Variants in ACADSB observed in about 807,000 individuals in gnomAD.
ACADSB encodes short/branched chain specific acyl-CoA dehydrogenase, mitochondrial.
ACADSB carries 40 observed loss-of-function variants against 54.1 expected under a neutral mutation model. The ratio of observed to expected loss-of-function variants is 0.74; its 90% confidence interval spans 0.57 to 0.96. ACADSB has a LOEUF of 0.96. ACADSB is among the 40% of genes least tolerant of loss of function. The pLI is 0.00. For synonymous variants in ACADSB, 182 were observed against 182.8 expected, an observed-to-expected ratio of 1.00 and a Z score of 0.03; for missense variants, 530 against 510.4, an observed-to-expected ratio of 1.04 and a Z score of -0.37.
At chr10:123,041,890 G>A (rs1850479555) in intron 5 of ACADSB, among the ~76,000 whole-genome samples, 1 of 152,124 alleles carries the variant, frequency 6.6e-6, no homozygotes, top group Admixed American at 6.5e-5. Context: ...CAGATATGGA[G>A]GGATGACTGT....
At chr10:123,051,601 G>A (rs540999753) in intron 9 of ACADSB, among the ~76,000 whole-genome samples, 399 of 152,252 alleles carry the variant, frequency 2.6e-3, no homozygotes, top group Non-Finnish European at 4.6e-3. Flanking sequence ...AAGATGATGG[G>A]TCCATCATGT....
At chr10:123,028,415 A>G (rs1589736100) in intron 1 of ACADSB, among the ~76,000 whole-genome samples, 1 of 152,238 alleles carries the variant, frequency 6.6e-6, no homozygotes, top group Admixed American at 6.5e-5. Flanking sequence ...CTATAATCCC[A>G]GCACTTTGGG....
At position 123,051,055 on chromosome 10, in the gene ACADSB, C is replaced by T; in HGVS notation, c.997C>T (p.Gln333Ter). Reference sequence around the variant, plus strand: ...TTGGGCCTGACTGTTACAGGGCCTCCAACACCAAGTGGCTCACGTGGCCAC... The same window carrying T: ...TTGGGCCTGACTGTTACAGGGCCTCTAACACCAAGTGGCTCACGTGGCCAC... ...GKRLFDFQGL[Q>*]HQVAHVATQL... Residue 333 changes from glutamine to a stop codon, truncating the protein, a stop_gained, in exon 9 of 11, where the codon CAA (glutamine) becomes TAA (stop). Transcript: ENST00000358776. LOFTEE classifies it high-confidence loss of function. 2 of 1,611,988 alleles carry T rather than the reference C, an allele frequency of 1.2e-6. No individual in the cohort carries two copies. Among genetic ancestry groups the T allele is most frequent in the Non-Finnish European group, 1.7e-6 (2 of 1,179,786 alleles).
intron 8 of ACADSB, among the ~76,000 whole-genome samples, chr10:123,049,015 CTAAT>C (rs1440730255): frequency 6.6e-6 from 1 of 152,046 alleles, no homozygotes; most frequent in East Asian, 1.9e-4. Flanking sequence ...TGCGCCCAGC[CTAAT>C]TTATTTTTTA....
chr10:123,053,179 T>C lies in ACADSB; in HGVS notation c.1228+19T>C. 6.3e-7 allele frequency: 1 copy of C among 1,590,774 alleles called. No individual in the cohort carries two copies. Among genetic ancestry groups the C allele is most frequent in the South Asian group, 1.1e-5 (1 of 90,000 alleles). On this transcript the variant is annotated intron_variant, in intron 10 of 10. Coordinates refer to ENST00000358776, the MANE Select transcript of ACADSB (RefSeq NM_001609.4). ...AAGATTGGTAAATAGATTTTTTTTT[T>C]TTACATTTTATTTTGTTTTATTTGC...
intron 1 of ACADSB, among the ~76,000 whole-genome samples, chr10:123,030,545 A>G (rs1850312487): frequency 6.7e-6 from 1 of 148,556 alleles, no homozygotes; most frequent in African/African-American, 2.5e-5. Context: ...AAAAAAAAAG[A>G]AAAGAAAAAA....
chr10:123,045,931 A>C (rs947743490), intron 7 of ACADSB, among the ~76,000 whole-genome samples: 2 of 152,244 alleles, frequency 1.3e-5, no homozygotes, highest in African/African-American at 4.8e-5. Context: ...GGAGTATAAC[A>C]GTGAACTGAA....
chr10:123,032,911 C>T (rs907505698), intron 1 of ACADSB, among the ~76,000 whole-genome samples: 1 of 152,096 alleles, frequency 6.6e-6, no homozygotes, highest in African/African-American at 2.4e-5. Context: ...TCTTTCCCCC[C>T]TTTCTTCCTT....
At chr10:123,032,583 C>CTTTTTTTT (rs889911796) in intron 1 of ACADSB, among the ~76,000 whole-genome samples, 1 of 106,912 alleles carries the variant, frequency 9.4e-6, no homozygotes, top group African/African-American at 3.6e-5. Flanking sequence ...AATTTCCATT[C>CTTTTTTTT]TTTTTTTTTT....
chr10:123,018,707 C>T (rs1174733832), intron 1 of ACADSB, among the ~76,000 whole-genome samples: 1 of 152,128 alleles, frequency 6.6e-6, no homozygotes, highest in Admixed American at 6.5e-5. Flanking sequence ...GCTGACGAGG[C>T]CCCACAATTG....
chr10:123,038,547 C>T (rs374941364), intron 3 of ACADSB, among the ~76,000 whole-genome samples: 8 of 152,166 alleles, frequency 5.3e-5, no homozygotes, highest in South Asian at 2.1e-4. Flanking sequence ...AATCACTGCA[C>T]GCATCATTTC....
In ACADSB at chr10:123,043,408, C is replaced by T. The variant is rs1024473809; in HGVS notation, c.807+237C>T. Among the ~76,000 whole-genome samples the T allele has an allele frequency of 2.6e-5, 4 of 152,182 alleles. No individual in the cohort carries two copies. In the South Asian group the frequency reaches 8.3e-4, roughly 32 times the overall value. On this transcript the variant is annotated intron_variant, in intron 6 of 10. Transcript: ENST00000358776. ...GGGAAGCAAGTGCCAAGAATTCATC[C>T]CATTTATGTTTTATAACTTATGTGC...
intron 8 of ACADSB, among the ~76,000 whole-genome samples, chr10:123,050,280 A>G (rs1850611745): frequency 6.6e-6 from 1 of 152,188 alleles, no homozygotes; most frequent in Non-Finnish European, 1.5e-5. Context: ...CTGCTGGACT[A>G]TGTATTATAA....
intron 1 of ACADSB, among the ~76,000 whole-genome samples, chr10:123,030,065 T>A (rs545393016): frequency 6.6e-6 from 1 of 152,298 alleles, no homozygotes; most frequent in South Asian, 2.1e-4. Context: ...CATAACCTAA[T>A]CACCTCTTAA....
chr10:123,010,823 G>A (rs1416336178), intron 1 of ACADSB, among the ~76,000 whole-genome samples: 2 of 152,166 alleles, frequency 1.3e-5, no homozygotes, highest in Non-Finnish European at 2.9e-5. Flanking sequence ...ATCTTTTAGA[G>A]GAAAGGTTAG....
At chr10:123,053,341 T>C (rs1017514832) in intron 10 of ACADSB, among the ~76,000 whole-genome samples, 181 bp downstream of exon 10, 6 of 152,324 alleles carry the variant, frequency 3.9e-5, no homozygotes, top group Admixed American at 1.3e-4. Flanking sequence ...AAAAAATTGT[T>C]CTATATTTTT....
Position 123,052,278 on chromosome 10 carries a change from C to T in ACADSB, c.1129-783C>T, listed in dbSNP as rs1245554351. Among the ~76,000 whole-genome samples, 1 of 152,218 alleles carries T rather than the reference C, an allele frequency of 6.6e-6. No homozygotes were observed. The highest frequency in any genetic ancestry group is 2.4e-5 in the African/African-American group (1 of 41,458). ...TCACTGGAATACAGGGGCTGCCTTTCTGTGGTTCTGGCAGACAGTTGTTTC... is the reference window on the plus strand; with the variant it reads ...TCACTGGAATACAGGGGCTGCCTTTTTGTGGTTCTGGCAGACAGTTGTTTC... On this transcript the variant is annotated intron_variant, in intron 9 of 10. Transcript: ENST00000358776. The surrounding 1 kb of genome is among the most constrained non-coding windows in gnomAD (Gnocchi z 4.2).
In ACADSB at chr10:123,052,150, A is replaced by G. The variant is rs982004791; in HGVS notation, c.1129-911A>G. On this transcript the variant is annotated intron_variant, in intron 9 of 10. Coordinates refer to ENST00000358776, the MANE Select transcript of ACADSB (RefSeq NM_001609.4). The surrounding 1 kb of genome is among the most constrained non-coding windows in gnomAD (Gnocchi z 4.2). Reference sequence around the variant, plus strand: ...CAACAAATGGAGCTCTATCTGTACTAGATTCCAATTGCTGCTATAACAAAT... The same window carrying G: ...CAACAAATGGAGCTCTATCTGTACTGGATTCCAATTGCTGCTATAACAAAT... Among the ~76,000 whole-genome samples the G allele has an allele frequency of 1.1e-4, 16 of 152,168 alleles. No individual in the cohort carries two copies. Among genetic ancestry groups the G allele is most frequent in the Non-Finnish European group, 2.2e-4 (15 of 68,032 alleles).
rs749878139 is a variant in ACADSB, at chr10:123,037,819, C to G, written c.275C>G (p.Ser92Ter). The change falls in exon 3 of 11, where the codon TCA (serine) becomes TGA (stop). Residue 92 changes from serine (S) to a stop codon, truncating the protein, a stop_gained. Transcript: ENST00000358776. LOFTEE classifies it high-confidence loss of function. ...GATGAAAATTCGAAAATGGAGAAAT[C>G]AGTAATACAAGGATTATTTCAACAA... ...TMDENSKMEKSVIQGLFQQGL... is the reference protein window; with the variant it reads ...TMDENSKMEK 28 of 1,607,250 alleles carry G rather than the reference C, an allele frequency of 1.7e-5. No homozygotes were observed. In the East Asian group the frequency reaches 6.0e-4, roughly 35 times the overall value.
Sources: allele counts gnomAD v4.1 joint callset (sites outside exome capture counted in the v4.1 genomes callset), GRCh38; gene constraint gnomAD v4.1.1; non-coding constraint Gnocchi (gnomAD v3.1); transcripts MANE v1.5; gene names NCBI Gene and HGNC (gene_info 2026-07-23, HGNC 2026-07-21).